TMEM63C: variants seen among roughly 807,000 people sequenced by gnomAD.
TMEM63C encodes osmosensitive cation channel TMEM63C.
Under a neutral mutation model 99.2 loss-of-function variants are expected in TMEM63C, and 32 were observed. The ratio of observed to expected loss-of-function variants is 0.32; its 90% CI spans 0.24 to 0.43. The LOEUF (loss-of-function observed/expected upper bound fraction) is 0.43. Among genes scored for constraint, TMEM63C ranks in the 20% least tolerant of loss-of-function variants. The pLI is 1.00. For synonymous variants in TMEM63C, 376 were observed against 397.9 expected (o/e 0.94, Z 0.66); for missense variants, 826 against 1,053.0 (o/e 0.78, Z 2.98).
At chr14:77,255,757 G>T (rs1889450283) in intron 23 of TMEM63C, among the ~76,000 whole-genome samples, 1 of 152,224 alleles carries the variant, frequency 6.6e-6, no homozygotes, top group African/African-American at 2.4e-5. Flanking sequence ...ATTTTTCCAT[G>T]GTTCAGTTGA....
chr14:77,248,973 C>T (rs760265643), intron 20 of TMEM63C, 101 bp downstream of exon 20: 1 of 1,202,904 alleles, frequency 8.3e-7, no homozygotes, highest in Non-Finnish European at 1.2e-6. Context: ...CATGGGGAGA[C>T]CTGTGGTAGG....
chr14:77,251,784 G>A lies in TMEM63C; in HGVS notation c.2039-5G>A, dbSNP rs775100620. On this transcript the variant is annotated splice_polypyrimidine_tract_variant and splice_region_variant and intron_variant, in intron 21 of 23. Coordinates refer to ENST00000298351, the MANE Select transcript of TMEM63C (RefSeq NM_020431.4). ...CTGCCCATGACTTTTTCTCCTCCTC[G>A]GCAGGTTCTCTCCACGCCATCACCA... 22 of 1,612,440 alleles carry A rather than the reference G, an allele frequency of 1.4e-5. No individual in the cohort carries two copies. Among genetic ancestry groups the A allele is most frequent in the African/African-American group, 2.7e-5 (2 of 74,846 alleles).
rs1020397671 is a variant in TMEM63C, at chr14:77,256,884, G to T, written c.*158G>T. ...CCACCCCAGCCATGGGCCATACGGG[G>T]GTCCTGACCTGCTGCCCGGCTGGAA... On this transcript the variant is annotated 3_prime_UTR_variant, in exon 24 of 24. Coordinates refer to ENST00000298351, the MANE Select transcript of TMEM63C (RefSeq NM_020431.4). The T allele has an allele frequency of 2.9e-6, 2 of 691,686 alleles. No individual in the cohort carries two copies. Among genetic ancestry groups the T allele is most frequent in the African/African-American group, 3.6e-5 (2 of 55,598 alleles). The allele number at this position is 691,686 out of a possible 1,614,324, so 42.8% of individuals were successfully genotyped here.
chr14:77,190,192 A>G (rs928621865), intron 1 of TMEM63C, among the ~76,000 whole-genome samples: 1 of 152,100 alleles, frequency 6.6e-6, no homozygotes, highest in African/African-American at 2.4e-5. Context: ...GAAACTGATG[A>G]TTTTTTGGGA....
chr14:77,196,748 C>T (rs1392960810), intron 1 of TMEM63C, among the ~76,000 whole-genome samples: 2 of 152,226 alleles, frequency 1.3e-5, no homozygotes, highest in African/African-American at 4.8e-5. Flanking sequence ...TTTTACTTCT[C>T]AAGTATTACT....
chr14:77,212,676 C>T (rs906878762), intron 1 of TMEM63C, among the ~76,000 whole-genome samples: 1 of 152,204 alleles, frequency 6.6e-6, no homozygotes, highest in Non-Finnish European at 1.5e-5. Flanking sequence ...AACAGCCTCC[C>T]TCATTACTGC....
At chr14:77,236,408 AG>A (rs1198364414) in intron 8 of TMEM63C, among the ~76,000 whole-genome samples, 2 of 22,816 alleles carry the variant, frequency 8.8e-5, no homozygotes, top group African/African-American at 3.2e-4. Context: ...CTGTGATGGT[AG>A]GGGGAGTCTA....
chr14:77,185,635 C>A (rs1887982292), intron 1 of TMEM63C, among the ~76,000 whole-genome samples: 1 of 152,064 alleles, frequency 6.6e-6, no homozygotes, highest in Non-Finnish European at 1.5e-5. Flanking sequence ...AGTGATTTGG[C>A]CATAGGGTAG....
chr14:77,206,299 G>A (rs994485280), intron 1 of TMEM63C, among the ~76,000 whole-genome samples: 1 of 152,166 alleles, frequency 6.6e-6, no homozygotes, highest in African/African-American at 2.4e-5. Flanking sequence ...GCTGTGCCAG[G>A]GAGGCCTCCA....
intron 1 of TMEM63C, among the ~76,000 whole-genome samples, chr14:77,193,458 G>A (rs1888144007): frequency 6.6e-6 from 1 of 152,192 alleles, no homozygotes; most frequent in African/African-American, 2.4e-5. Context: ...CACTTTGGGA[G>A]GCTAAGGCAG....
chr14:77,197,854 A>G (rs1418373029), intron 1 of TMEM63C, among the ~76,000 whole-genome samples: 1 of 152,218 alleles, frequency 6.6e-6, no homozygotes, highest in African/African-American at 2.4e-5. Flanking sequence ...CCGCTCTCAG[A>G]GTGGGTGAAC....
At chr14:77,230,722 G>GCC (rs35060337) in intron 6 of TMEM63C, among the ~76,000 whole-genome samples, 1 of 151,764 alleles carries the variant, frequency 6.6e-6, no homozygotes, top group African/African-American at 2.4e-5. Flanking sequence ...AAAATTATCT[G>GCC]CCCCCCCACC....
chr14:77,230,138 G>A (rs564222675), intron 6 of TMEM63C, among the ~76,000 whole-genome samples: 1 of 151,742 alleles, frequency 6.6e-6, no homozygotes, highest in East Asian at 1.9e-4. Flanking sequence ...GGAGGAGGAG[G>A]TTGCAGTGAG....
chr14:77,239,083 C>T (rs1026760572), intron 10 of TMEM63C, among the ~76,000 whole-genome samples: 5 of 152,238 alleles, frequency 3.3e-5, no homozygotes, highest in African/African-American at 9.6e-5. Flanking sequence ...CATCTGGAGA[C>T]ATCCTTTGTG....
At chr14:77,212,744 C>A (rs1002755962) in intron 1 of TMEM63C, among the ~76,000 whole-genome samples, 1 of 152,166 alleles carries the variant, frequency 6.6e-6, no homozygotes, top group African/African-American at 2.4e-5. Flanking sequence ...GGGTGAGGAT[C>A]TTGTCTCCTT....
intron 2 of TMEM63C, among the ~76,000 whole-genome samples, chr14:77,216,882 G>A (rs1414181383): frequency 3.3e-5 from 5 of 152,080 alleles, no homozygotes; most frequent in Admixed American, 6.6e-5. Flanking sequence ...CTCCATATGA[G>A]GATCAAAGAG....
chr14:77,243,465 T>C (rs1889216766), intron 15 of TMEM63C, among the ~76,000 whole-genome samples: 1 of 152,048 alleles, frequency 6.6e-6, no homozygotes, highest in African/African-American at 2.4e-5. Flanking sequence ...CTGGTTTGTG[T>C]AGTAGGGTTA....
chr14:77,245,902 C>A, intron 16 of TMEM63C, 38 bp from the exon 17 acceptor site: 1 of 1,509,526 alleles, frequency 6.6e-7, no homozygotes, highest in Non-Finnish European at 9.2e-7. Flanking sequence ...TCTTATTAGG[C>A]CACGTCCATT....
At chr14:77,200,926 A>G (rs1466799346) in intron 1 of TMEM63C, 1 of 150,966 alleles carries the variant, frequency 6.6e-6, no homozygotes. Flanking sequence ...GAGTCTTAGC[A>G]CAGCAGCTGG....
Sources: gnomAD v4.1 joint callset for allele counts (sites outside exome capture counted in the v4.1 genomes callset) on GRCh38, gnomAD v4.1.1 for gene constraint, MANE v1.5 for transcripts, NCBI Gene and HGNC (gene_info 2026-07-23, HGNC 2026-07-21) for gene names.